Variants in CIB4 observed in about 807,000 individuals in gnomAD.
The protein encoded by CIB4 is calcium and integrin-binding family member 4.
In CIB4, 25 loss-of-function variants were observed where a neutral mutation model predicts 25.8. The ratio of observed to expected loss-of-function variants is 0.97; its 90% confidence interval spans 0.71 to 1.35. The LOEUF is 1.35. Ranked by LOEUF, CIB4 falls within the 40% of genes most tolerant of loss-of-function variation. The pLI is 0.00. For missense variants in CIB4, 235 were observed against 228.2 expected, an observed-to-expected ratio of 1.03 and a Z score of -0.19; for synonymous variants, 75 against 81.4, an observed-to-expected ratio of 0.92 and a Z score of 0.42.
rs1221423286 is a variant in CIB4 at position 26,627,068 on chromosome 2, C to G, written c.186+2342G>C. On this transcript the variant is annotated intron_variant, in intron 3 of 6. Coordinates refer to ENST00000288861, the MANE Select transcript of CIB4 (RefSeq NM_001029881.3). The surrounding 1 kb of genome is among the most constrained non-coding windows in gnomAD (Gnocchi z 4.0). ...TACTCCTTTGGGGGCCAAACAGAGACTCCAGGCCCTACTGAGACAAGGCTA... is the reference window on the plus strand; with the variant it reads ...TACTCCTTTGGGGGCCAAACAGAGAGTCCAGGCCCTACTGAGACAAGGCTA... 6.6e-6 allele frequency among the ~76,000 whole-genome samples: 1 copy of G among 152,198 alleles called. No individual in the cohort carries two copies. Among genetic ancestry groups the G allele is most frequent in the African/African-American group, 2.4e-5 (1 of 41,442 alleles).
At position 26,639,688 on chromosome 2, in the gene CIB4, C is replaced by T. The variant is rs1669599716; in HGVS notation, c.89+845G>A. Among the ~76,000 whole-genome samples the T allele has an allele frequency of 2.0e-5, 3 of 152,224 alleles. No homozygotes were observed. The South Asian group carries it at 6.2e-4, about 32-fold the overall frequency. On this transcript the variant is annotated intron_variant, in intron 2 of 6. Transcript: ENST00000288861. ...CCGTGCCCTGGCCATCCCCCATCCT[C>T]ATTTGTGCCTGGAGAGTCTTGCACT...
At chr2:26,599,274 G>C (rs114191125) in intron 3 of CIB4, among the ~76,000 whole-genome samples, 1 of 152,242 alleles carries the variant, frequency 6.6e-6, no homozygotes, top group East Asian at 1.9e-4. Context: ...CCATTTATAC[G>C]TGATGAAACT....
chr2:26,588,978 T>TTTCTTCTTCTTCTCCTTCTTCTTC lies in CIB4; in HGVS notation c.329-5081_329-5080insGAAGAAGAAGGAGAAGAAGAAGAA, dbSNP rs1668508211. 3.9e-4 allele frequency among the ~76,000 whole-genome samples: 27 copies of TTTCTTCTTCTTCTCCTTCTTCTTC among 69,936 alleles called. 10 individuals carry two copies. The highest frequency in any genetic ancestry group is 1.4e-3 in the African/African-American group (25 of 18,380). 45.9% of individuals were successfully genotyped at this position (69,936 alleles called of 152,430 possible). A position where few individuals can be genotyped will look rare whatever the true frequency, so the allele number is the denominator to read the frequency against. On this transcript the variant is annotated intron_variant, in intron 4 of 6. Coordinates refer to ENST00000288861, the MANE Select transcript of CIB4 (RefSeq NM_001029881.3). ...CTGCTGCCGCTGCTGCCGCTTCTTC[T>TTTCTTCTTCTTCTCCTTCTTCTTC]TTCTTCTTCTTCTTCTTCTTCTTCT...
intron 4 of CIB4, among the ~76,000 whole-genome samples, chr2:26,589,876 C>A (rs1022820911): frequency 6.6e-6 from 1 of 152,110 alleles, no homozygotes; most frequent in Non-Finnish European, 1.5e-5. Context: ...TTGTCCTGAT[C>A]CCTTCTCCTA....
At chr2:26,582,985 G>T in intron 5 of CIB4, 72 bp from the exon 6 acceptor site, 2 of 1,031,996 alleles carry the variant, frequency 1.9e-6, no homozygotes, top group Non-Finnish European at 3.0e-6. Flanking sequence ...CAGGGTGGAG[G>T]GGGAAAGCCA....
intron 3 of CIB4, among the ~76,000 whole-genome samples, chr2:26,607,693 C>CCA (rs1422452612): frequency 6.6e-6 from 1 of 152,212 alleles, no homozygotes; most frequent in Non-Finnish European, 1.5e-5. Flanking sequence ...AACCCCCACC[C>CCA]CACTTCACCT....
intron 3 of CIB4, among the ~76,000 whole-genome samples, chr2:26,599,197 G>A (rs577551054): frequency 4.6e-5 from 7 of 152,288 alleles, no homozygotes; most frequent in African/African-American, 1.4e-4. Context: ...GTTTGAGGGC[G>A]TTTTGAACAA....
intron 2 of CIB4, among the ~76,000 whole-genome samples, chr2:26,633,793 A>AG (rs1669479868): frequency 6.6e-6 from 1 of 152,150 alleles, no homozygotes; most frequent in Non-Finnish European, 1.5e-5. Context: ...GAGAGGCAGG[A>AG]GGGGCTGCCT....
rs1297351567 is a variant in CIB4, at chr2:26,599,887, A to T, written c.187-4570T>A. Among the ~76,000 whole-genome samples, 3 of 147,352 alleles carry T rather than the reference A, an allele frequency of 2.0e-5. No individual in the cohort carries two copies. In the East Asian group the frequency reaches 5.8e-4, roughly 28 times the overall value. ...CAGGAGATCAAGACCATTCTGGCCA[A>T]CATGGTGAAATCCTGTCTCTACTAA... On this transcript the variant is annotated intron_variant, in intron 3 of 6. Coordinates refer to ENST00000288861, the MANE Select transcript of CIB4 (RefSeq NM_001029881.3).
At chr2:26,609,217 AG>A (rs781412405) in intron 3 of CIB4, among the ~76,000 whole-genome samples, 3 of 152,192 alleles carry the variant, frequency 2.0e-5, no homozygotes, top group Non-Finnish European at 4.4e-5. Context: ...TGGTCTGAAC[AG>A]GCCTGGGTGG....
intron 3 of CIB4, among the ~76,000 whole-genome samples, chr2:26,628,429 G>A (rs184446287): frequency 6.6e-6 from 1 of 152,204 alleles, no homozygotes; most frequent in Non-Finnish European, 1.5e-5. Context: ...GACCAGGGAA[G>A]GTTTGCCAAG....
chr2:26,596,828 G>A (rs1273844865), intron 3 of CIB4, among the ~76,000 whole-genome samples: 1 of 152,128 alleles, frequency 6.6e-6, no homozygotes, highest in Non-Finnish European at 1.5e-5. Flanking sequence ...GAACCACATG[G>A]AGGTTTACTG....
Position 26,583,883 on chromosome 2 carries a change from C to A in CIB4, c.344G>T (p.Gly115Val). 1 of 1,611,128 alleles carries A rather than the reference C, an allele frequency of 6.2e-7. No homozygotes were observed. Among genetic ancestry groups the A allele is most frequent in the Non-Finnish European group, 8.5e-7 (1 of 1,177,462 alleles). ...CTGCAGATCCTCCTCATCAATGAAG[C>A]CATTCTCATTAAAATCTGCAAAGAA... ...AFRIYDFNEN[G>V]FIDEEDLQRI... The change falls in exon 5 of 7, where the codon GGC (glycine) becomes GTC (valine). Residue 115 changes from glycine (G) to valine (V), a missense_variant. Coordinates refer to ENST00000288861, the MANE Select transcript of CIB4 (RefSeq NM_001029881.3).
intron 3 of CIB4, among the ~76,000 whole-genome samples, chr2:26,624,397 C>G (rs1473170897): frequency 6.6e-6 from 1 of 152,118 alleles, no homozygotes; most frequent in Non-Finnish European, 1.5e-5. Context: ...TGTCCAGAAT[C>G]GGAAAGACAC....
intron 2 of CIB4, 114 bp downstream of exon 2, chr2:26,640,419 T>C (rs1669613166): frequency 1.7e-6 from 2 of 1,143,530 alleles, no homozygotes; most frequent in Middle Eastern, 2.3e-4. Context: ...TCCAGGGCTG[T>C]GTGGCTCTGA....
At chr2:26,602,283 G>A (rs1442085842) in intron 3 of CIB4, among the ~76,000 whole-genome samples, 7 of 152,158 alleles carry the variant, frequency 4.6e-5, no homozygotes, top group African/African-American at 7.2e-5. Flanking sequence ...GACCAGGTAC[G>A]TAGTCTAAAG....
chr2:26,629,798 G>C (rs1042513308), intron 2 of CIB4, among the ~76,000 whole-genome samples: 1 of 152,190 alleles, frequency 6.6e-6, no homozygotes, highest in South Asian at 2.1e-4. Context: ...GCCCTGTAGC[G>C]AGCAGCACAC....
intron 3 of CIB4, among the ~76,000 whole-genome samples, chr2:26,605,174 T>C (rs1304386605): frequency 6.6e-6 from 1 of 152,164 alleles, no homozygotes; most frequent in Admixed American, 6.5e-5. Flanking sequence ...AGAAATTATT[T>C]TGAACTAAGT....
At chr2:26,595,082 T>C (rs1668654135) in intron 4 of CIB4, 94 bp downstream of exon 4, 3 of 1,261,920 alleles carry the variant, frequency 2.4e-6, no homozygotes, top group Admixed American at 3.7e-5. Flanking sequence ...CCCCAGTTAA[T>C]GCCATCCATC....
Sources: allele counts gnomAD v4.1 joint callset (sites outside exome capture counted in the v4.1 genomes callset), GRCh38; gene constraint gnomAD v4.1.1; non-coding constraint Gnocchi (gnomAD v3.1); transcripts MANE v1.5; gene names NCBI Gene and HGNC (gene_info 2026-07-23, HGNC 2026-07-21).